Variants in DNAH3 observed in about 807,000 individuals in gnomAD.
DNAH3 encodes axonemal beta dynein heavy chain 3.
In DNAH3, 332 loss-of-function variants were observed where a neutral mutation model predicts 432.5. That is an observed-to-expected ratio of 0.77 (90% CI 0.70 to 0.84). The LOEUF (loss-of-function observed/expected upper bound fraction) is 0.84. Ranked by LOEUF, DNAH3 falls within the 40% of genes least tolerant of loss-of-function variation. DNAH3 has a pLI of 0.00. For synonymous variants in DNAH3, 1,956 were observed against 1,900.2 expected (o/e 1.03, Z -0.76); for missense variants, 4,861 against 5,114.0 (o/e 0.95, Z 1.51).
At chr16:21,131,456 AAAGGAAGGAAGG>A (rs146170477) in intron 7 of DNAH3, among the ~76,000 whole-genome samples, 164 of 122,692 alleles carry the variant, frequency 1.3e-3, no homozygotes, top group South Asian at 7.2e-3. Flanking sequence ...AGAAGGAAAG[AAAGGAAGGAAGG>A]AAGGAAGGAA....
At chr16:20,997,951 G>A (rs558482941) in intron 43 of DNAH3, among the ~76,000 whole-genome samples, 10 of 151,970 alleles carry the variant, frequency 6.6e-5, no homozygotes, top group Non-Finnish European at 1.3e-4. Context: ...AGGTTGCAGT[G>A]AGCCAAGATT....
chr16:20,981,550 C>T (rs147468763), intron 49 of DNAH3, among the ~76,000 whole-genome samples: 1,718 of 152,024 alleles, frequency 0.011, 93 homozygotes, highest in Admixed American at 0.099. Flanking sequence ...CATGGTGAAA[C>T]CCAGTGTCCA....
chr16:21,134,526 T>C lies in DNAH3; in HGVS notation c.887-72A>G. ...GTGCTCTTAGCTTCAACTCATTTAG[T>C]TTTGTTTTTAATATAGAGACGGGGT... On this transcript the variant is annotated intron_variant, in intron 6 of 61. Coordinates refer to ENST00000261383, the Ensembl canonical transcript of DNAH3. 4 of 1,449,816 alleles carry C rather than the reference T, an allele frequency of 2.8e-6. No individual in the cohort carries two copies. The South Asian group carries it at 5.3e-5, about 19-fold the overall frequency. 89.8% of individuals were successfully genotyped at this position (1,449,816 alleles called of 1,614,324 possible).
intron 25 of DNAH3, 94 bp from the exon 26 acceptor site, chr16:21,060,450 G>C: frequency 2.3e-6 from 2 of 869,712 alleles, no homozygotes; most frequent in African/African-American, 1.7e-5. Context: ...GGACACGGCT[G>C]GAGGGATGCC....
At chr16:20,942,484 C>T (rs1308836207) in intron 58 of DNAH3, among the ~76,000 whole-genome samples, 1 of 152,174 alleles carries the variant, frequency 6.6e-6, no homozygotes, top group South Asian at 2.1e-4. Context: ...ATTTCCACTC[C>T]TACATCGGGA....
chr16:20,976,041 G>C (rs376638409), intron 50 of DNAH3, among the ~76,000 whole-genome samples: 1 of 147,180 alleles, frequency 6.8e-6, no homozygotes, highest in African/African-American at 2.5e-5. Context: ...CACCACGCCC[G>C]GCCAAGAAAT....
At chr16:20,982,538 A>C (rs939565477) in intron 49 of DNAH3, among the ~76,000 whole-genome samples, 183 bp downstream of exon 49, 33 of 152,192 alleles carry the variant, frequency 2.2e-4, no homozygotes, top group African/African-American at 6.5e-4. Flanking sequence ...TGAACAATGA[A>C]ATTTTCTTCT....
In DNAH3 at chr16:20,985,050, G is replaced by A. The variant is rs746509482; in HGVS notation, c.7665+27C>T. The A allele has an allele frequency of 3.1e-6, 5 of 1,594,744 alleles. No individual in the cohort carries two copies. In the Admixed American group the frequency reaches 5.1e-5, roughly 16 times the overall value. ...CAAATGGAGTTTTCTTCTTCTTACCGAGGACAATGTGAAGGTTCTTTCTCA... is the reference window on the plus strand; with the variant it reads ...CAAATGGAGTTTTCTTCTTCTTACCAAGGACAATGTGAAGGTTCTTTCTCA... On this transcript the variant is annotated intron_variant, in intron 48 of 61. Coordinates refer to ENST00000261383, the Ensembl canonical transcript of DNAH3.
intron 29 of DNAH3, among the ~76,000 whole-genome samples, chr16:21,050,682 G>A (rs1260938535): frequency 3.9e-5 from 6 of 152,176 alleles, no homozygotes; most frequent in African/African-American, 1.4e-4. Flanking sequence ...GGGATCAAGT[G>A]ATCCACCCAC....
At chr16:20,966,768 G>A (rs1441636307) in intron 52 of DNAH3, among the ~76,000 whole-genome samples, 1 of 152,162 alleles carries the variant, frequency 6.6e-6, no homozygotes, top group Non-Finnish European at 1.5e-5. Flanking sequence ...GTTGGATGGA[G>A]CCCAATCAGT....
chr16:21,003,129 T>G, exon 42 of DNAH3: 2 of 1,612,366 alleles, frequency 1.2e-6, no homozygotes, highest in Non-Finnish European at 1.7e-6. Context: ...AACTTTTTCC[T>G]CCTCTTTGGT....
chr16:21,004,755 C>A (rs2087196312), intron 41 of DNAH3, among the ~76,000 whole-genome samples: 1 of 152,032 alleles, frequency 6.6e-6, no homozygotes. Context: ...CCCTTCCCTT[C>A]CCCTCTTCCT....
chr16:20,996,806 A>G (rs1285236617), intron 44 of DNAH3: 2 of 156,980 alleles, frequency 1.3e-5, no homozygotes, highest in Admixed American at 1.2e-4. Flanking sequence ...AGAAGTACAG[A>G]TCTATAGGAC....
At chr16:20,954,684 G>T in intron 55 of DNAH3, 129 bp downstream of exon 55, 1 of 1,041,078 alleles carries the variant, frequency 9.6e-7, no homozygotes, top group Non-Finnish European at 1.4e-6. Flanking sequence ...ATATTGCCTG[G>T]AAAATATTTA....
At chr16:20,968,699 C>T (rs891285986) in intron 52 of DNAH3, among the ~76,000 whole-genome samples, 24 of 151,802 alleles carry the variant, frequency 1.6e-4, no homozygotes, top group Admixed American at 2.6e-4. Flanking sequence ...TCTTCCTCTC[C>T]ATTGCCGTCT....
At chr16:21,098,542 A>G in intron 17 of DNAH3, 74 bp downstream of exon 17, 1 of 1,478,020 alleles carries the variant, frequency 6.8e-7, no homozygotes, top group South Asian at 1.4e-5. Context: ...ATTAGGAAAT[A>G]GGAAATTCAC....
chr16:20,979,660 G>T, intron 49 of DNAH3, 114 bp from the exon 50 acceptor site: 1 of 906,114 alleles, frequency 1.1e-6, no homozygotes, highest in Non-Finnish European at 1.7e-6. Context: ...ACTGTGACAC[G>T]TTAGAATCCA....
chr16:21,026,432 G>A (rs546296723), intron 38 of DNAH3, among the ~76,000 whole-genome samples: 3 of 152,196 alleles, frequency 2.0e-5, no homozygotes, highest in Admixed American at 1.3e-4. Context: ...GGCTGGGCAC[G>A]GTGGCTCATG....
At chr16:20,959,306 T>C in exon 54 of DNAH3, 4 of 1,614,190 alleles carry the variant, frequency 2.5e-6, no homozygotes, top group Non-Finnish European at 3.4e-6. Context: ...ATGGCATTGT[T>C]GATCATTTTG....
Sources: allele counts gnomAD v4.1 joint callset (sites outside exome capture counted in the v4.1 genomes callset), GRCh38; gene constraint gnomAD v4.1.1; transcripts MANE v1.5; gene names NCBI Gene and HGNC (gene_info 2026-07-23, HGNC 2026-07-21).